The following IL4 variants were observed in gnomAD, a reference collection of about 807,000 sequenced individuals.
IL4 encodes the protein interleukin 4, also known as interleukin-4.
Under a neutral mutation model 17.4 loss-of-function variants are expected in IL4, and 10 were observed. The ratio of observed to expected loss-of-function variants is 0.57; its 90% CI spans 0.35 to 0.97. The LOEUF (loss-of-function observed/expected upper bound fraction) is 0.97, where lower values mean the gene tolerates loss of function less well. Among genes scored for constraint, IL4 ranks in the 50% least tolerant of loss-of-function variants. The probability of loss-of-function intolerance (pLI) is 0.01; values close to 1 mark genes in which losing one functional copy is unlikely to be tolerated. For synonymous variants in IL4, 87 were observed against 79.0 expected (o/e 1.10, Z -0.54); for missense variants, 174 against 187.7 (o/e 0.93, Z 0.43).
At position 132,682,624 on chromosome 5, in the gene IL4, TTAAG is replaced by T; in HGVS notation, c.*40_*43del. The T allele has an allele frequency of 9.6e-7, 1 of 1,039,220 alleles. No individual in the cohort carries two copies. Among genetic ancestry groups the T allele is most frequent in the Non-Finnish European group, 1.4e-6 (1 of 692,952 alleles). 64.4% of individuals were successfully genotyped at this position (1,039,220 alleles called of 1,614,324 possible). A position where few individuals can be genotyped will look rare whatever the true frequency, so the allele number is the denominator to read the frequency against. On this transcript the variant is annotated 3_prime_UTR_variant, in exon 4 of 4. Coordinates refer to ENST00000231449, the MANE Select transcript of IL4 (RefSeq NM_000589.4). ...TATGAGTTTTTGATAGCTTTATTTT[TTAAG>T]TATTTATATATTTATAACTCATCAT...
rs1288729515 is a variant in IL4 at position 132,680,860 on chromosome 5, A to T, written c.360+970A>T. 6.6e-6 allele frequency among the ~76,000 whole-genome samples: 1 copy of T among 152,180 alleles called. No homozygotes were observed. Among genetic ancestry groups the T allele is most frequent in the Non-Finnish European group, 1.5e-5 (1 of 68,030 alleles). On this transcript the variant is annotated intron_variant, in intron 3 of 3. Transcript: ENST00000231449. The surrounding 1 kb of genome is among the most constrained non-coding windows in gnomAD (Gnocchi z 4.3). The stretch of plus-strand genomic sequence containing the variant: ...TAAAACCAGAAGGATTTGCTGACAG[A>T]TCGGTTGTAGGGGGTAAGATACAGG...
chr5:132,676,995 CTGATGAAGGG>C lies in IL4; in HGVS notation c.183+2491_183+2500del, dbSNP rs1201756851. Among the ~76,000 whole-genome samples, 6 of 152,282 alleles carry C rather than the reference CTGATGAAGGG, an allele frequency of 3.9e-5. No homozygotes were observed. The South Asian group carries it at 8.3e-4, about 21-fold the overall frequency. On this transcript the variant is annotated intron_variant, in intron 2 of 3. Transcript: ENST00000231449. The stretch of plus-strand genomic sequence containing the variant: ...AAGTGGGAAGAAGCAAGCTGGCTGG[CTGATGAAGGG>C]TTTCTTGGGTGGACAAGTAGTTGGA...
rs137869658 is a variant in IL4, at chr5:132,680,387, G to C, written c.360+497G>C. ...TATTTAAAGACCAGTAGGAAGGCCA[G>C]TGTGGCTGGATCAGAGTGAGTGAGG... On this transcript the variant is annotated intron_variant, in intron 3 of 3. Coordinates refer to ENST00000231449, the MANE Select transcript of IL4 (RefSeq NM_000589.4). This position sits in a 1 kb window ranked among gnomAD's most constrained non-coding sequence, Gnocchi z 4.3. Among the ~76,000 whole-genome samples the C allele has an allele frequency of 2.6e-5, 4 of 152,222 alleles. No individual in the cohort carries two copies. Among genetic ancestry groups the C allele is most frequent in the Non-Finnish European group, 4.4e-5 (3 of 68,034 alleles).
chr5:132,679,611 C>A (rs1023884601), intron 2 of IL4, 103 bp from the exon 3 acceptor site: 2 of 1,022,788 alleles, frequency 2.0e-6, no homozygotes, highest in Admixed American at 2.2e-5. Flanking sequence ...AGCAAACTCA[C>A]CTCCATTTGT....
At chr5:132,676,461 C>G (rs374905925) in intron 2 of IL4, among the ~76,000 whole-genome samples, 2 of 152,228 alleles carry the variant, frequency 1.3e-5, no homozygotes, top group Admixed American at 1.3e-4. Flanking sequence ...GGAAGACCCC[C>G]GGGTGCAGGC....
In IL4 at chr5:132,674,116, C is replaced by G; in HGVS notation, c.66C>G (p.Val22=). The stretch of plus-strand genomic sequence containing the variant: ...TGCTAGCATGTGCCGGCAACTTTGT[C>G]CACGGACACAAGTGCGATATCACCT... ...FFLLACAGNF[V]HGHKCDITLQ... The change falls in exon 1 of 4, where the codon GTC becomes GTG. Residue 22 remains valine (V), a synonymous_variant. Transcript: ENST00000231449. 6.2e-7 allele frequency: 1 copy of G among 1,614,160 alleles called. No homozygotes were observed.
At chr5:132,675,833 A>T (rs1015167760) in intron 2 of IL4, among the ~76,000 whole-genome samples, 1 of 148,378 alleles carries the variant, frequency 6.7e-6, no homozygotes, top group East Asian at 2.0e-4. Flanking sequence ...TAGCCACTGC[A>T]CCTGGGCAAC....
chr5:132,675,849 ATGTGTGTG>A (rs58175446), intron 2 of IL4, among the ~76,000 whole-genome samples: 6,579 of 144,860 alleles, frequency 0.045, 486 homozygotes, highest in African/African-American at 0.16. Flanking sequence ...GCAACAGTTT[ATGTGTGTG>A]TGTGTGTGTG....
intron 2 of IL4, 67 bp downstream of exon 2, chr5:132,674,573 A>G (rs1437405750): frequency 8.9e-6 from 12 of 1,343,230 alleles, no homozygotes; most frequent in Non-Finnish European, 1.1e-5. Flanking sequence ...CTGAACAAGA[A>G]ACTTGTCTAA....
At chr5:132,681,780 T>A (rs1027322578) in intron 3 of IL4, among the ~76,000 whole-genome samples, 12 of 152,046 alleles carry the variant, frequency 7.9e-5, no homozygotes, top group African/African-American at 2.9e-4. Context: ...AGGACATGTA[T>A]CCCCTCTCTG....
intron 3 of IL4, 90 bp downstream of exon 3, chr5:132,679,980 C>CT: frequency 9.1e-7 from 1 of 1,095,064 alleles, no homozygotes; most frequent in South Asian, 1.6e-5. Context: ...AGCTGCAGCA[C>CT]CCTTGGTCAA....
rs183510098 is a variant in IL4, at chr5:132,678,546, C to T, written c.184-1168C>T. Among the ~76,000 whole-genome samples the T allele has an allele frequency of 1.8e-4, 28 of 152,184 alleles. 1 individual carries two copies. The highest frequency in any genetic ancestry group is 1.2e-3 in the Admixed American group (19 of 15,292). On this transcript the variant is annotated intron_variant, in intron 2 of 3. Transcript: ENST00000231449. ...AAGAACTTGAAAGCTGCTTGGACAG[C>T]GCTGCTGATAGAAACCCCTGAGCAT...
At chr5:132,675,903 G>A (rs1382990835) in intron 2 of IL4, among the ~76,000 whole-genome samples, 2 of 131,586 alleles carry the variant, frequency 1.5e-5, no homozygotes, top group South Asian at 2.4e-4. Context: ...GTATATATAT[G>A]TGTGTATGTA....
chr5:132,679,074 A>G (rs1157628786), intron 2 of IL4, among the ~76,000 whole-genome samples: 1 of 152,176 alleles, frequency 6.6e-6, no homozygotes, highest in Non-Finnish European at 1.5e-5. Context: ...ATCTCCCAGG[A>G]CACCTTTCCC....
At chr5:132,676,316 G>A (rs748504191) in intron 2 of IL4, among the ~76,000 whole-genome samples, 4 of 152,194 alleles carry the variant, frequency 2.6e-5, no homozygotes, top group Non-Finnish European at 4.4e-5. Flanking sequence ...AAGTGTTATT[G>A]TGAGATGATA....
chr5:132,675,849 A>ATGTGTGTGTGTGTGTGTGTGTG (rs58175446), intron 2 of IL4, among the ~76,000 whole-genome samples: 7 of 144,924 alleles, frequency 4.8e-5, no homozygotes, highest in African/African-American at 7.8e-5. Context: ...GCAACAGTTT[A>ATGTGTGTGTGTGTGTGTGTGTG]TGTGTGTGTG....
At chr5:132,682,384 A>T in intron 3 of IL4, 102 bp from the exon 4 acceptor site, 1 of 700,870 alleles carries the variant, frequency 1.4e-6, no homozygotes, top group Non-Finnish European at 2.5e-6. Flanking sequence ...CCTTGGTTTT[A>T]TAAGTGTTCA....
At chr5:132,681,691 G>A (rs1227449953) in intron 3 of IL4, among the ~76,000 whole-genome samples, 7 of 152,162 alleles carry the variant, frequency 4.6e-5, no homozygotes, top group Non-Finnish European at 1.0e-4. Context: ...AGAATCATTA[G>A]GGGGCAGAAG....
Position 132,679,782 on chromosome 5 carries a change from G to A in IL4, c.252G>A (p.Glu84=), listed in dbSNP as rs1196477957. 6.2e-7 allele frequency: 1 copy of A among 1,614,086 alleles called. No homozygotes were observed. The highest frequency in any genetic ancestry group is 1.7e-5 in the Admixed American group (1 of 60,028). The change falls in exon 3 of 4, where the codon GAG becomes GAA. Residue 84 remains glutamate, a synonymous_variant. Coordinates refer to ENST00000231449, the MANE Select transcript of IL4 (RefSeq NM_000589.4). The part of the protein sequence containing the change: ...TVLRQFYSHH[E]KDTRCLGATA... ...TCCGGCAGTTCTACAGCCACCATGA[G>A]AAGGACACTCGCTGCCTGGGTGCGA...
Sources: allele counts gnomAD v4.1 joint callset (sites outside exome capture counted in the v4.1 genomes callset), GRCh38; gene constraint gnomAD v4.1.1; non-coding constraint Gnocchi (gnomAD v3.1); transcripts MANE v1.5; gene names NCBI Gene and HGNC (gene_info 2026-07-23, HGNC 2026-07-21).